GPR158: variants seen among roughly 807,000 people sequenced by gnomAD.
GPR158 encodes the protein metabotropic glycine receptor.
In GPR158, 30 loss-of-function variants were observed where a neutral mutation model predicts 78.2. The observed-to-expected ratio is 0.38, with a 90% CI of 0.29 to 0.52. GPR158 has a LOEUF of 0.52. GPR158 is among the 20% of genes least tolerant of loss of function. The probability of loss-of-function intolerance (pLI) is 0.83; values close to 1 mark genes in which losing one functional copy is unlikely to be tolerated. For synonymous variants in GPR158, 581 were observed against 591.1 expected (o/e 0.98, Z 0.25); for missense variants, 1,463 against 1,523.5 (o/e 0.96, Z 0.66).
chr10:25,255,088 A>G (rs1037340418), intron 2 of GPR158, among the ~76,000 whole-genome samples: 1 of 152,170 alleles, frequency 6.6e-6, no homozygotes, highest in Non-Finnish European at 1.5e-5. Flanking sequence ...AGTTATGTAA[A>G]TGATTTATAT....
chr10:25,412,615 T>C (rs1234006059), intron 4 of GPR158, 142 bp downstream of exon 4: 5 of 626,156 alleles, frequency 8.0e-6, no homozygotes, highest in Non-Finnish European at 1.4e-5. Flanking sequence ...ACATGAAAGT[T>C]ATATTCTTTA....
rs889520623 is a variant in GPR158, at chr10:25,369,264, T to G, written c.1009-26647T>G. Reference sequence around the variant, plus strand: ...TTGTGCCAGTTTTCAAAGGGAATGCTTCCAGTTTTTGCCCATTCAGTATGA... The same window carrying G: ...TTGTGCCAGTTTTCAAAGGGAATGCGTCCAGTTTTTGCCCATTCAGTATGA... On this transcript the variant is annotated intron_variant, in intron 2 of 10. Transcript: ENST00000376351. Among the ~76,000 whole-genome samples the G allele has an allele frequency of 3.3e-4, 49 of 150,364 alleles. No individual in the cohort carries two copies. The East Asian group carries it at 7.4e-3, about 23-fold the overall frequency.
intron 1 of GPR158, among the ~76,000 whole-genome samples, chr10:25,200,663 T>A (rs1852911240): frequency 6.6e-6 from 1 of 152,176 alleles, no homozygotes; most frequent in African/African-American, 2.4e-5. Flanking sequence ...GATCTTGAAT[T>A]GATTTTTGTA....
intron 2 of GPR158, among the ~76,000 whole-genome samples, chr10:25,303,869 C>A (rs7922535): frequency 0.2 from 30,803 of 152,108 alleles, 5,266 homozygotes; most frequent in African/African-American, 0.47. Context: ...CTGGCCTACA[C>A]GCAGCATGTG....
At chr10:25,495,284 A>G (rs1370964608) in intron 5 of GPR158, among the ~76,000 whole-genome samples, 2 of 122,870 alleles carry the variant, frequency 1.6e-5, no homozygotes, top group Non-Finnish European at 3.5e-5. Flanking sequence ...TTAAGCTATC[A>G]TTCTTTTCTG....
At chr10:25,261,509 A>G (rs962934405) in intron 2 of GPR158, among the ~76,000 whole-genome samples, 4 of 151,810 alleles carry the variant, frequency 2.6e-5, no homozygotes, top group South Asian at 2.1e-4. Flanking sequence ...GTTTTCCTCC[A>G]CTGAGAAATT....
intron 2 of GPR158, among the ~76,000 whole-genome samples, chr10:25,357,922 T>G (rs1048345948): frequency 6.6e-6 from 1 of 152,036 alleles, no homozygotes; most frequent in Admixed American, 6.6e-5. Context: ...CAGCAGCCTG[T>G]GAAAGCAGCT....
At chr10:25,351,570 A>T (rs967352370) in intron 2 of GPR158, among the ~76,000 whole-genome samples, 3 of 151,976 alleles carry the variant, frequency 2.0e-5, no homozygotes, top group Admixed American at 2.0e-4. Flanking sequence ...AGGGCAACAG[A>T]TAAAGGAGTA....
At chr10:25,322,112 G>T (rs1371589866) in intron 2 of GPR158, among the ~76,000 whole-genome samples, 1 of 152,138 alleles carries the variant, frequency 6.6e-6, no homozygotes, top group African/African-American at 2.4e-5. Flanking sequence ...GCCAGGCGCG[G>T]TGGCTCACGC....
chr10:25,441,280 C>A (rs1019912087), intron 4 of GPR158, among the ~76,000 whole-genome samples: 4 of 152,190 alleles, frequency 2.6e-5, no homozygotes, highest in Non-Finnish European at 5.9e-5. Context: ...AAAGGTAGCT[C>A]TATACCCAAA....
rs76074482 is a variant in GPR158, at chr10:25,384,866, T to C, written c.1009-11045T>C. On this transcript the variant is annotated intron_variant, in intron 2 of 10. Transcript: ENST00000376351. ...GCAGTCTGAGGTATGTGAGATGAGA[T>C]ATACATCATGCCGATTGCAATACGA... Among the ~76,000 whole-genome samples the C allele has an allele frequency of 3.0e-3, 450 of 152,282 alleles. 2 individuals carry two copies. The highest frequency in any genetic ancestry group is 0.01 in the African/African-American group (430 of 41,574).
chr10:25,430,855 A>C (rs992502747), intron 4 of GPR158, among the ~76,000 whole-genome samples: 1 of 151,924 alleles, frequency 6.6e-6, no homozygotes, highest in African/African-American at 2.4e-5. Flanking sequence ...TTATACAAAA[A>C]TTAATTCAAC....
At chr10:25,501,966 C>G (rs1247825198) in intron 5 of GPR158, among the ~76,000 whole-genome samples, 3 of 152,110 alleles carry the variant, frequency 2.0e-5, no homozygotes, top group Non-Finnish European at 4.4e-5. Context: ...GTTTGTCTCT[C>G]CCTACATACA....
intron 4 of GPR158, among the ~76,000 whole-genome samples, chr10:25,465,216 T>C (rs1835405802): frequency 6.6e-6 from 1 of 152,220 alleles, no homozygotes; most frequent in Non-Finnish European, 1.5e-5. Context: ...AATTAATTGT[T>C]ACTACTGCAA....
intron 5 of GPR158, among the ~76,000 whole-genome samples, chr10:25,489,954 CACAG>C (rs747552820): frequency 3.9e-5 from 6 of 152,062 alleles, no homozygotes; most frequent in East Asian, 1.9e-4. Context: ...CTGACTAGTA[CACAG>C]ACAGCAAGAA....
intron 5 of GPR158, among the ~76,000 whole-genome samples, chr10:25,538,657 G>A (rs1280894893): frequency 2.0e-5 from 3 of 152,172 alleles, no homozygotes; most frequent in Non-Finnish European, 2.9e-5. Flanking sequence ...CTGCAGGCAT[G>A]TGTCACGGTG....
At chr10:25,410,581 A>G (rs1834570294) in intron 3 of GPR158, among the ~76,000 whole-genome samples, 1 of 152,148 alleles carries the variant, frequency 6.6e-6, no homozygotes. Context: ...ATGCCACTGC[A>G]CTCCAGCTTG....
At chr10:25,238,828 C>A (rs1392696112) in intron 2 of GPR158, among the ~76,000 whole-genome samples, 1 of 152,182 alleles carries the variant, frequency 6.6e-6, no homozygotes, top group South Asian at 2.1e-4. Context: ...GTTCAGGACC[C>A]TATGATTAGA....
At chr10:25,189,802 T>TA (rs1168911746) in intron 1 of GPR158, among the ~76,000 whole-genome samples, 212 of 127,404 alleles carry the variant, frequency 1.7e-3, no homozygotes, top group African/African-American at 2.6e-3. Flanking sequence ...AAAAAACCTT[T>TA]AAAAAAAAAA....
Sources: gnomAD v4.1 joint callset for allele counts (sites outside exome capture counted in the v4.1 genomes callset) on GRCh38, gnomAD v4.1.1 for gene constraint, MANE v1.5 for transcripts, NCBI Gene and HGNC (gene_info 2026-07-23, HGNC 2026-07-21) for gene names.